Variants in CFAP43 observed in about 807,000 individuals in gnomAD.
The protein encoded by CFAP43 is cilia- and flagella-associated protein 43.
CFAP43 carries 155 observed loss-of-function variants against 218.9 expected under a neutral mutation model. The observed-to-expected ratio is 0.71, with a 90% CI of 0.62 to 0.81. CFAP43 has a LOEUF of 0.81. Ranked by LOEUF, CFAP43 falls within the 30% of genes least tolerant of loss-of-function variation. The pLI is 0.00. For missense variants in CFAP43, 1,778 were observed against 1,954.3 expected, an observed-to-expected ratio of 0.91 and a Z score of 1.70; for synonymous variants, 645 against 681.3, an observed-to-expected ratio of 0.95 and a Z score of 0.83.
chr10:104,171,925 T>C (rs2089430735), intron 20 of CFAP43, among the ~76,000 whole-genome samples: 1 of 152,154 alleles, frequency 6.6e-6, no homozygotes, highest in South Asian at 2.1e-4. Flanking sequence ...ATGATGGTCA[T>C]AGGAGCTGGG....
At chr10:104,137,243 C>T (rs2087493936) in intron 34 of CFAP43, among the ~76,000 whole-genome samples, 1 of 152,086 alleles carries the variant, frequency 6.6e-6, no homozygotes, top group Non-Finnish European at 1.5e-5. Flanking sequence ...AATGGATAAA[C>T]AAAATGTATA....
chr10:104,160,177 G>A (rs2134806704), intron 27 of CFAP43, among the ~76,000 whole-genome samples: 1 of 152,296 alleles, frequency 6.6e-6, no homozygotes, highest in South Asian at 2.1e-4. Context: ...AAACTGTGGA[G>A]TAAATGTAGT....
rs757422704 is a variant in CFAP43 at position 104,182,425 on chromosome 10, G to T, written c.2230C>A (p.His744Asn). The T allele has an allele frequency of 2.5e-6, 4 of 1,612,266 alleles. No individual in the cohort carries two copies. The highest frequency in any genetic ancestry group is 3.4e-6 in the Non-Finnish European group (4 of 1,179,440). The change falls in exon 17 of 38, where the codon CAT (histidine) becomes AAT (asparagine). Residue 744 changes from histidine to asparagine, a missense_variant. Physicochemically the swap from His to Asn is moderately conservative, Grantham distance 68 (BLOSUM62 1). Around this residue, in one of 3 missense-constraint regions of CFAP43, gnomAD observed 1,553 missense variants for 1,685.2 expected, o/e 0.92. Transcript: ENST00000357060. The part of the protein sequence containing the change: ...SLSSAMDKEN[H>N]YLSTTPKVSV... The stretch of plus-strand genomic sequence containing the variant: ...ACTTTTGGTGTTGTGCTTAAATAAT[G>T]ATTCTCCTTGTCCATGGCGCTGCTC...
intron 12 of CFAP43, among the ~76,000 whole-genome samples, chr10:104,190,418 A>G (rs915932803): frequency 1.3e-5 from 2 of 152,234 alleles, no homozygotes; most frequent in Non-Finnish European, 2.9e-5. Flanking sequence ...ACTCAGTGCC[A>G]TCTAATTTGC....
At chr10:104,231,491 G>A (rs1328507957) in intron 1 of CFAP43, among the ~76,000 whole-genome samples, 1 of 152,114 alleles carries the variant, frequency 6.6e-6, no homozygotes, top group Non-Finnish European at 1.5e-5. Flanking sequence ...AGATGAAGGA[G>A]ATTCTATTTT....
chr10:104,188,503 C>T (rs1403606014), intron 12 of CFAP43, 93 bp from the exon 13 acceptor site: 3 of 1,453,488 alleles, frequency 2.1e-6, no homozygotes, highest in Admixed American at 2.0e-5. Context: ...CATGGACTTG[C>T]CTTCACTATA....
In CFAP43 at chr10:104,161,925, C is replaced by A. The variant is rs766760196; in HGVS notation, c.3414+36G>T. On this transcript the variant is annotated intron_variant, in intron 26 of 37. Coordinates refer to ENST00000357060, the MANE Select transcript of CFAP43 (RefSeq NM_025145.7). ...AAAACTTAAGTAGCTCTTTCCACCCCATTCCACCTTCTATAAGGATGAACA... is the reference window on the plus strand; with the variant it reads ...AAAACTTAAGTAGCTCTTTCCACCCAATTCCACCTTCTATAAGGATGAACA... The A allele has an allele frequency of 2.5e-6, 4 of 1,588,292 alleles. No individual in the cohort carries two copies. The African/African-American group carries it at 4.1e-5, about 16-fold the overall frequency.
chr10:104,141,977 G>A (rs1368332167), intron 33 of CFAP43, among the ~76,000 whole-genome samples: 1 of 152,166 alleles, frequency 6.6e-6, no homozygotes, highest in Non-Finnish European at 1.5e-5. Context: ...TATGCCTTGA[G>A]CCCCAAAGTA....
chr10:104,180,438 C>A (rs936587024), intron 17 of CFAP43, among the ~76,000 whole-genome samples: 5 of 146,758 alleles, frequency 3.4e-5, no homozygotes, highest in African/African-American at 1.3e-4. Context: ...CAGACACCAC[C>A]CTATTTCTTT....
intron 28 of CFAP43, 91 bp from the exon 29 acceptor site, chr10:104,148,089 G>A: frequency 1.6e-6 from 1 of 612,570 alleles, no homozygotes. Flanking sequence ...GCAAGTTTAT[G>A]ACATACACAT....
intron 11 of CFAP43, 182 bp downstream of exon 11, chr10:104,193,684 G>C (rs1403072989): frequency 4.1e-6 from 3 of 733,936 alleles, no homozygotes; most frequent in Non-Finnish European, 6.3e-6. Flanking sequence ...ACAGACCTGG[G>C]TATGGGGGGT....
intron 32 of CFAP43, 151 bp downstream of exon 32, chr10:104,143,275 A>T: frequency 2.9e-6 from 2 of 694,934 alleles, no homozygotes; most frequent in Non-Finnish European, 4.7e-6. Flanking sequence ...CACCAGGGTT[A>T]ATATAGTATT....
At chr10:104,214,564 A>G (rs138098046) in intron 3 of CFAP43, 138 bp from the exon 4 acceptor site, 10,041 of 766,108 alleles carry the variant, frequency 0.013, 84 homozygotes, top group Non-Finnish European at 0.017. Context: ...TTAATGTCAA[A>G]TTTATAAATA....
chr10:104,206,971 C>A (rs1286599246), intron 6 of CFAP43, among the ~76,000 whole-genome samples: 2 of 152,126 alleles, frequency 1.3e-5, no homozygotes, highest in African/African-American at 2.4e-5. Context: ...GTCAGGAGTT[C>A]AAGATCAGCC....
chr10:104,213,034 G>T (rs555477407), intron 4 of CFAP43, among the ~76,000 whole-genome samples: 1 of 152,156 alleles, frequency 6.6e-6, no homozygotes, highest in Admixed American at 6.5e-5. Context: ...GGGAGAAAAG[G>T]GTGTGATAAA....
At chr10:104,183,457 T>C (rs1043062749) in intron 16 of CFAP43, among the ~76,000 whole-genome samples, 1 of 148,758 alleles carries the variant, frequency 6.7e-6, no homozygotes. Context: ...TGGTGCAATC[T>C]CGGCTCACTG....
chr10:104,140,647 A>C (rs147835377), intron 34 of CFAP43, among the ~76,000 whole-genome samples, 195 bp downstream of exon 34: 187 of 152,246 alleles, frequency 1.2e-3, no homozygotes, highest in Admixed American at 1.6e-3. Context: ...TTTTACAAAA[A>C]ACTAATTTTA....
Position 104,129,980 on chromosome 10 carries a change from A to G in CFAP43, c.*159T>C. Reference sequence around the variant, plus strand: ...ATTCATGCAGGACAAAAATTTGTATACAATTAAGGCTAAAATTAAACAATT... The same window carrying G: ...ATTCATGCAGGACAAAAATTTGTATGCAATTAAGGCTAAAATTAAACAATT... On this transcript the variant is annotated 3_prime_UTR_variant, in exon 38 of 38. Transcript: ENST00000357060. The G allele has an allele frequency of 2.4e-6, 2 of 818,590 alleles. No individual in the cohort carries two copies. The highest frequency in any genetic ancestry group is 3.5e-6 in the Non-Finnish European group (2 of 568,722). 50.7% of individuals were successfully genotyped at this position (818,590 alleles called of 1,614,324 possible).
chr10:104,141,890 G>C (rs150092873), intron 33 of CFAP43, among the ~76,000 whole-genome samples: 1 of 152,224 alleles, frequency 6.6e-6, no homozygotes, highest in East Asian at 1.9e-4. Context: ...TTCCCCTAAA[G>C]AAAAATATAT....
Sources: allele counts gnomAD v4.1 joint callset (sites outside exome capture counted in the v4.1 genomes callset), GRCh38; gene constraint gnomAD v4.1.1; regional missense constraint gnomAD v4.1.1; transcripts MANE v1.5; gene names NCBI Gene and HGNC (gene_info 2026-07-23, HGNC 2026-07-21).